ZNG1C: variants seen among roughly 807,000 people sequenced by gnomAD.
ZNG1C encodes the protein zinc-regulated GTPase metalloprotein activator 1C.
the ZNG1C span, among the ~76,000 whole-genome samples, chr9:68,281,273 G>A: frequency 6.6e-6 from 1 of 152,280 alleles, no homozygotes; most frequent in Non-Finnish European, 1.5e-5. Context: ...TACCTCAGAT[G>A]GAAATGGAGA....
chr9:68,264,867 A>AATT, the ZNG1C span, among the ~76,000 whole-genome samples: 1 of 81,552 alleles, frequency 1.2e-5, no homozygotes, highest in South Asian at 4.8e-4. Flanking sequence ...GTATAATAAT[A>AATT]ATTATTATTA....
At chr9:68,247,283 A>G in the ZNG1C span, among the ~76,000 whole-genome samples, 1 of 151,808 alleles carries the variant, frequency 6.6e-6, no homozygotes, top group South Asian at 2.1e-4. Context: ...TATATAAAAC[A>G]TACTAGTCGA....
At chr9:68,288,651 T>A in the ZNG1C span, among the ~76,000 whole-genome samples, 3 of 13,940 alleles carry the variant, frequency 2.2e-4, no homozygotes, top group Non-Finnish European at 1.5e-3. Context: ...TTTTGTATTT[T>A]TTTTTTTTTT....
At chr9:68,287,215 A>G in the ZNG1C span, among the ~76,000 whole-genome samples, 1 of 151,994 alleles carries the variant, frequency 6.6e-6, no homozygotes, top group East Asian at 1.9e-4. Flanking sequence ...ATTGCTTAGT[A>G]CAGGGCTTGG....
the ZNG1C span, among the ~76,000 whole-genome samples, chr9:68,247,278 A>G: frequency 1.2e-4 from 18 of 151,808 alleles, no homozygotes; most frequent in South Asian, 2.1e-3. Flanking sequence ...TCCAGTATAT[A>G]AAACATACTA....
At chr9:68,256,601 C>T in the ZNG1C span, among the ~76,000 whole-genome samples, 1 of 111,674 alleles carries the variant, frequency 9.0e-6, no homozygotes, top group Non-Finnish European at 1.8e-5. Flanking sequence ...AGCCATACTG[C>T]TCAAATTGTT....
the ZNG1C span, chr9:68,254,206 A>AT: frequency 1.8e-5 from 1 of 54,302 alleles, no homozygotes; most frequent in East Asian, 2.8e-4. Flanking sequence ...TGTTTTTGAT[A>AT]TTTTAAATGA....
chr9:68,266,580 CTT>C, the ZNG1C span, among the ~76,000 whole-genome samples: 1 of 146,500 alleles, frequency 6.8e-6, no homozygotes, highest in Non-Finnish European at 1.5e-5. Flanking sequence ...CTCTTTGACT[CTT>C]TCCTAATGTC....
At chr9:68,255,813 A>G in the ZNG1C span, among the ~76,000 whole-genome samples, 1 of 152,238 alleles carries the variant, frequency 6.6e-6, no homozygotes, top group African/African-American at 2.4e-5. Flanking sequence ...TCTTATTGGC[A>G]ATTCAGTTGT....
chr9:68,257,030 T>TTTTTTTTTTTG, the ZNG1C span: 1 of 143,750 alleles, frequency 7.0e-6, no homozygotes, highest in East Asian at 1.3e-4. Flanking sequence ...TTTTTTTTGT[T>TTTTTTTTTTTG]TTTTTTTTTT....
At chr9:68,287,857 ATCTTTTCCTCG>A in the ZNG1C span, among the ~76,000 whole-genome samples, 1 of 148,702 alleles carries the variant, frequency 6.7e-6, no homozygotes, top group Non-Finnish European at 1.5e-5. Context: ...GAGGAAATTT[ATCTTTTCCTCG>A]CCTATCACTA....
the ZNG1C span, among the ~76,000 whole-genome samples, chr9:68,260,489 A>G: frequency 1.5e-5 from 2 of 132,520 alleles, no homozygotes; most frequent in Non-Finnish European, 3.4e-5. Context: ...CAGTATACCT[A>G]CACAAAACTG....
the ZNG1C span, among the ~76,000 whole-genome samples, chr9:68,244,518 T>C: frequency 4.2e-5 from 5 of 120,240 alleles, no homozygotes; most frequent in Non-Finnish European, 8.7e-5. Context: ...AGAAGACATG[T>C]ATAGCCTACA....
At chr9:68,297,200 A>G in the ZNG1C span, among the ~76,000 whole-genome samples, 1 of 150,118 alleles carries the variant, frequency 6.7e-6, no homozygotes, top group Admixed American at 6.7e-5. Flanking sequence ...AAAAGATACA[A>G]TGAGGTGACT....
the ZNG1C span, among the ~76,000 whole-genome samples, chr9:68,288,645 GTATTTT>G: frequency 1.3e-4 from 3 of 23,088 alleles, no homozygotes; most frequent in African/African-American, 1.2e-4. Context: ...GCTAATTTTT[GTATTTT>G]TTTTTTTTTT....
chr9:68,269,056 T>C, the ZNG1C span: 3 of 1,027,770 alleles, frequency 2.9e-6, no homozygotes, highest in Non-Finnish European at 1.4e-6. Flanking sequence ...TTGACAAATA[T>C]GCTTGATTCT....
the ZNG1C span, among the ~76,000 whole-genome samples, chr9:68,281,629 C>A: frequency 4.0e-5 from 4 of 100,950 alleles, no homozygotes; most frequent in Admixed American, 2.2e-4. Flanking sequence ...CCTTGAATAG[C>A]AGCTTCCCAT....
the ZNG1C span, chr9:68,269,160 T>C: frequency 3.8e-5 from 24 of 637,724 alleles, no homozygotes; most frequent in Non-Finnish European, 5.6e-5. Context: ...ATTTGACTAG[T>C]ACATTTGCCT....
At chr9:68,267,160 T>C in the ZNG1C span, among the ~76,000 whole-genome samples, 3 of 152,298 alleles carry the variant, frequency 2.0e-5, no homozygotes, top group Non-Finnish European at 4.4e-5. Flanking sequence ...TCAAAATTAC[T>C]ATTCTTAGTA....
Sources: allele counts gnomAD v4.1 joint callset (sites outside exome capture counted in the v4.1 genomes callset), GRCh38; gene constraint gnomAD v4.1.1; transcripts MANE v1.5; gene names NCBI Gene and HGNC (gene_info 2026-07-23, HGNC 2026-07-21).